SIRPA: variants seen among roughly 807,000 people sequenced by gnomAD.
The protein encoded by SIRPA is signal regulatory protein alpha, also known as tyrosine-protein phosphatase non-receptor type substrate 1.
Under a neutral mutation model 50.3 loss-of-function variants are expected in SIRPA, and 9 were observed. That is an observed-to-expected ratio of 0.18 (90% CI 0.11 to 0.31). The LOEUF (loss-of-function observed/expected upper bound fraction) is 0.31. Ranked by LOEUF, SIRPA falls within the 10% of genes least tolerant of loss-of-function variation. The probability of loss-of-function intolerance (pLI) is 1.00; values close to 1 mark genes in which losing one functional copy is unlikely to be tolerated. For missense variants in SIRPA, 474 were observed against 661.6 expected, an observed-to-expected ratio of 0.72 and a Z score of 3.11; for synonymous variants, 265 against 284.1, an observed-to-expected ratio of 0.93 and a Z score of 0.68.
At chr20:1,925,998 C>T (rs539763110) in intron 5 of SIRPA, among the ~76,000 whole-genome samples, 8 of 152,160 alleles carry the variant, frequency 5.3e-5, no homozygotes, top group Non-Finnish European at 1.0e-4. Context: ...TGTGACCCAC[C>T]GCCTCCAAAG....
chr20:1,917,007 A>G (rs1359328159), intron 2 of SIRPA, among the ~76,000 whole-genome samples: 2 of 152,188 alleles, frequency 1.3e-5, no homozygotes, highest in East Asian at 1.9e-4. Flanking sequence ...AAGTTCCCAG[A>G]TGATGCATCT....
At position 1,927,799 on chromosome 20, in the gene SIRPA, T is replaced by G; in HGVS notation, c.1202-76T>G. ...CTCTCCATGTCCCTGGAGGCAAACC[T>G]TTTGCCAAAAAATAGTTACATAAGA... On this transcript the variant is annotated intron_variant, in intron 5 of 7. Coordinates refer to ENST00000358771, the MANE Select transcript of SIRPA (RefSeq NM_001040023.2). This position sits in a 1 kb window ranked among gnomAD's most constrained non-coding sequence, Gnocchi z 6.5. The G allele has an allele frequency of 2.8e-6, 4 of 1,405,488 alleles. No individual in the cohort carries two copies. The highest frequency in any genetic ancestry group is 4.0e-6 in the Non-Finnish European group (4 of 990,102). The allele number at this position is 1,405,488 out of a possible 1,614,324, so 87.1% of individuals were successfully genotyped here.
intron 1 of SIRPA, among the ~76,000 whole-genome samples, chr20:1,910,106 A>G (rs1338845397): frequency 2.0e-5 from 3 of 152,234 alleles, no homozygotes; most frequent in African/African-American, 7.2e-5. Flanking sequence ...TCCAGATGTA[A>G]TCATTTGAGT....
intron 1 of SIRPA, among the ~76,000 whole-genome samples, chr20:1,907,601 TG>T (rs1449878608): frequency 2.0e-5 from 3 of 152,226 alleles, no homozygotes; most frequent in Non-Finnish European, 4.4e-5. Flanking sequence ...GAAGTCTTCC[TG>T]GGTTTCACTC....
chr20:1,895,001 G>C (rs1188173565), upstream of SIRPA, among the ~76,000 whole-genome samples: 1 of 147,880 alleles, frequency 6.8e-6, no homozygotes, highest in African/African-American at 2.4e-5. Flanking sequence ...GCGCGGCCGG[G>C]CTCGGCCGTG....
In SIRPA at chr20:1,901,467, G is replaced by A. The variant is rs972574475; in HGVS notation, c.79+5941G>A. ...ATTACAGGCGTGAGCCACTGCACCCGGCCTCCTCTCGTATTTCTATCAGTG... is the reference window on the plus strand; with the variant it reads ...ATTACAGGCGTGAGCCACTGCACCCAGCCTCCTCTCGTATTTCTATCAGTG... On this transcript the variant is annotated intron_variant, in intron 1 of 7. Coordinates refer to ENST00000358771, the MANE Select transcript of SIRPA (RefSeq NM_001040023.2). 4.6e-5 allele frequency among the ~76,000 whole-genome samples: 7 copies of A among 152,046 alleles called. No homozygotes were observed. The East Asian group carries it at 9.7e-4, about 21-fold the overall frequency.
At chr20:1,902,904 C>T (rs1054550147) in intron 1 of SIRPA, among the ~76,000 whole-genome samples, 2 of 149,760 alleles carry the variant, frequency 1.3e-5, no homozygotes, top group Admixed American at 1.3e-4. Flanking sequence ...CCCAGCTACT[C>T]TGGAGGCTGC....
intron 1 of SIRPA, among the ~76,000 whole-genome samples, chr20:1,909,289 G>A (rs940457794): frequency 9.8e-5 from 15 of 152,290 alleles, no homozygotes; most frequent in Admixed American, 3.3e-4. Flanking sequence ...CACTGCTTCC[G>A]GGGGATGGGC....
chr20:1,909,184 C>T (rs1568497553), intron 1 of SIRPA, among the ~76,000 whole-genome samples: 1 of 152,218 alleles, frequency 6.6e-6, no homozygotes, highest in Non-Finnish European at 1.5e-5. Flanking sequence ...CATAGCCTCC[C>T]AGACCCTGGG....
intron 1 of SIRPA, among the ~76,000 whole-genome samples, chr20:1,896,097 C>T (rs1379371478): frequency 1.3e-5 from 2 of 152,110 alleles, no homozygotes; most frequent in Admixed American, 1.3e-4. Context: ...CGCGGTAACC[C>T]CAGAGCGAGC....
Position 1,924,968 on chromosome 20 carries a change from A to G in SIRPA, c.1201+91A>G. The stretch of plus-strand genomic sequence containing the variant: ...TTAGGTGCTTTGGGTTAAGGACATC[A>G]GCTTCTGCCAGTAGCAAGAAGTCCA... On this transcript the variant is annotated intron_variant, in intron 5 of 7. Transcript: ENST00000358771. The surrounding 1 kb of genome is among the most constrained non-coding windows in gnomAD (Gnocchi z 4.5). The G allele has an allele frequency of 1.0e-6, 1 of 962,852 alleles. No individual in the cohort carries two copies. The highest frequency in any genetic ancestry group is 1.4e-5 in the South Asian group (1 of 72,272). 59.6% of individuals were successfully genotyped at this position (962,852 alleles called of 1,614,324 possible). A position where few individuals can be genotyped will look rare whatever the true frequency, so the allele number is the denominator to read the frequency against.
At position 1,934,829 on chromosome 20, in the gene SIRPA, T is replaced by C; in HGVS notation, c.1266+75T>C. 6.5e-7 allele frequency: 1 copy of C among 1,531,128 alleles called. No individual in the cohort carries two copies. The highest frequency in any genetic ancestry group is 1.1e-5 in the South Asian group (1 of 89,224). The allele number at this position is 1,531,128 out of a possible 1,614,324, so 94.8% of individuals were successfully genotyped here. A position where few individuals can be genotyped will look rare whatever the true frequency, so the allele number is the denominator to read the frequency against. On this transcript the variant is annotated intron_variant, in intron 7 of 7. Transcript: ENST00000358771. This position sits in a 1 kb window ranked among gnomAD's most constrained non-coding sequence, Gnocchi z 4.6. ...GCTTCACATCAACCGGAATTGCAGA[T>C]CTGGTTCTAAATTAAGACTCCTTGT... is the stretch of plus-strand genomic sequence containing the variant.
rs1425883481 is a variant in SIRPA at position 1,898,445 on chromosome 20, G to A, written c.79+2919G>A. 6.6e-6 allele frequency among the ~76,000 whole-genome samples: 1 copy of A among 152,142 alleles called. No homozygotes were observed. The highest frequency in any genetic ancestry group is 6.5e-5 in the Admixed American group (1 of 15,278). Reference sequence around the variant, plus strand: ...GGTGTGAACCATGTGTTGAGAGAAGGGAGGAAAACCAACATTCATTAGATA... The same window carrying A: ...GGTGTGAACCATGTGTTGAGAGAAGAGAGGAAAACCAACATTCATTAGATA... On this transcript the variant is annotated intron_variant, in intron 1 of 7. Coordinates refer to ENST00000358771, the MANE Select transcript of SIRPA (RefSeq NM_001040023.2). This position sits in a 1 kb window ranked among gnomAD's most constrained non-coding sequence, Gnocchi z 4.3.
chr20:1,899,679 T>C (rs1984051408), intron 1 of SIRPA, among the ~76,000 whole-genome samples: 1 of 152,010 alleles, frequency 6.6e-6, no homozygotes, highest in Non-Finnish European at 1.5e-5. Flanking sequence ...TGGGGAGAGG[T>C]CAGAGGAGCC....
At chr20:1,926,716 T>A (rs144180626) in intron 5 of SIRPA, among the ~76,000 whole-genome samples, 18 of 152,194 alleles carry the variant, frequency 1.2e-4, no homozygotes, top group Middle Eastern at 3.4e-3. Flanking sequence ...CATGGGAAAG[T>A]TATAAAACTT....
chr20:1,929,522 G>C (rs1010499671), intron 6 of SIRPA, among the ~76,000 whole-genome samples: 15 of 152,036 alleles, frequency 9.9e-5, no homozygotes, highest in Admixed American at 2.0e-4. Flanking sequence ...TATAGCAGGA[G>C]CAGCTCTTCT....
intron 1 of SIRPA, among the ~76,000 whole-genome samples, chr20:1,905,319 A>G: frequency 6.6e-6 from 1 of 152,094 alleles, no homozygotes; most frequent in East Asian, 1.9e-4. Context: ...TCACAGGGAG[A>G]GGCGATCGCA....
rs535563600 is a variant in SIRPA at position 1,936,330 on chromosome 20, G to C, written c.1267-990G>C. On this transcript the variant is annotated intron_variant, in intron 7 of 7. Transcript: ENST00000358771. The surrounding 1 kb of genome is among the most constrained non-coding windows in gnomAD (Gnocchi z 4.2). ...TTAATGATTGCGAACATTTATTGAA[G>C]ACAGATGCTCAATAGGTACCAGGCT... is the stretch of plus-strand genomic sequence containing the variant. Among the ~76,000 whole-genome samples, 15 of 152,286 alleles carry C rather than the reference G, an allele frequency of 9.8e-5. No homozygotes were observed. Among genetic ancestry groups the C allele is most frequent in the Admixed American group, 9.1e-4 (14 of 15,302 alleles).
chr20:1,915,661 C>T (rs940629185), intron 2 of SIRPA, among the ~76,000 whole-genome samples: 1 of 152,232 alleles, frequency 6.6e-6, no homozygotes, highest in Non-Finnish European at 1.5e-5. Context: ...AGGGTGGGAA[C>T]ATCTGCATCC....
Sources: allele counts gnomAD v4.1 joint callset (sites outside exome capture counted in the v4.1 genomes callset), GRCh38; gene constraint gnomAD v4.1.1; non-coding constraint Gnocchi (gnomAD v3.1); transcripts MANE v1.5; gene names NCBI Gene and HGNC (gene_info 2026-07-23, HGNC 2026-07-21).